Variants in GLIPR2 observed in about 807,000 individuals in gnomAD.
The protein encoded by GLIPR2 is Golgi-associated plant pathogenesis-related protein 1.
Under a neutral mutation model 20.4 loss-of-function variants are expected in GLIPR2, and 21 were observed. The ratio of observed to expected loss-of-function variants is 1.03; its 90% CI spans 0.73 to 1.48. The LOEUF (loss-of-function observed/expected upper bound fraction) is 1.48, where lower values mean the gene tolerates loss of function less well. Ranked by LOEUF, GLIPR2 falls within the 40% of genes most tolerant of loss-of-function variation. The pLI is 0.00. For missense variants in GLIPR2, 205 were observed against 200.1 expected, an observed-to-expected ratio of 1.02 and a Z score of -0.15; for synonymous variants, 91 against 80.5, an observed-to-expected ratio of 1.13 and a Z score of -0.70.
At chr9:36,161,812 T>C (rs1203395767) in intron 4 of GLIPR2, among the ~76,000 whole-genome samples, 1 of 152,186 alleles carries the variant, frequency 6.6e-6, no homozygotes, top group Non-Finnish European at 1.5e-5. Flanking sequence ...CACTGGGCTT[T>C]GTCGTGATCT....
In GLIPR2 at chr9:36,136,905, G is replaced by A. The variant is rs753384087; in HGVS notation, c.13+114G>A. The A allele has an allele frequency of 8.5e-7, 1 of 1,173,288 alleles. No individual in the cohort carries two copies. The highest frequency in any genetic ancestry group is 1.1e-6 in the Non-Finnish European group (1 of 934,812). The allele number at this position is 1,173,288 out of a possible 1,614,324, so 72.7% of individuals were successfully genotyped here. A position where few individuals can be genotyped will look rare whatever the true frequency, so the allele number is the denominator to read the frequency against. ...CCTGGGGAGTGCGGGAGCCCGGGGTGCGGGTGGAGGGCGCGCGGGCGGAGC... is the reference window on the plus strand; with the variant it reads ...CCTGGGGAGTGCGGGAGCCCGGGGTACGGGTGGAGGGCGCGCGGGCGGAGC... On this transcript the variant is annotated intron_variant, in intron 1 of 4. Coordinates refer to ENST00000377960, the MANE Select transcript of GLIPR2 (RefSeq NM_022343.4). The surrounding 1 kb of genome is among the most constrained non-coding windows in gnomAD (Gnocchi z 4.3).
intron 4 of GLIPR2, among the ~76,000 whole-genome samples, chr9:36,161,965 G>A (rs1826072200): frequency 6.6e-6 from 1 of 152,132 alleles, no homozygotes; most frequent in Non-Finnish European, 1.5e-5. Flanking sequence ...CAGGTGGATC[G>A]CCTGAGGTCA....
chr9:36,153,970 C>G (rs1281581409), intron 4 of GLIPR2, among the ~76,000 whole-genome samples: 2 of 151,392 alleles, frequency 1.3e-5, no homozygotes, highest in Non-Finnish European at 2.9e-5. Context: ...CCCAGCCCCA[C>G]CCAGGCCAGG....
In GLIPR2 at chr9:36,136,805, C is replaced by T. The variant is rs1824837429; in HGVS notation, c.13+14C>T. ...TGGGCAAGTCAGGTGAGCCCGCGGG[C>T]TCGCCCGCTGCGGAATGGTTCGGAA... is the stretch of plus-strand genomic sequence containing the variant. On this transcript the variant is annotated intron_variant, in intron 1 of 4. Coordinates refer to ENST00000377960, the MANE Select transcript of GLIPR2 (RefSeq NM_022343.4). This position sits in a 1 kb window ranked among gnomAD's most constrained non-coding sequence, Gnocchi z 4.3. 3 of 1,298,248 alleles carry T rather than the reference C, an allele frequency of 2.3e-6. No individual in the cohort carries two copies. The highest frequency in any genetic ancestry group is 3.1e-5 in the East Asian group (1 of 32,078). The allele number at this position is 1,298,248 out of a possible 1,614,324, so 80.4% of individuals were successfully genotyped here.
chr9:36,150,355 G>A lies in GLIPR2; in HGVS notation c.227-517G>A, dbSNP rs569157036. Among the ~76,000 whole-genome samples the A allele has an allele frequency of 2.3e-4, 35 of 152,322 alleles. 1 individual carries two copies. Among genetic ancestry groups the A allele is most frequent in the Non-Finnish European group, 4.0e-4 (27 of 68,030 alleles). On this transcript the variant is annotated intron_variant, in intron 3 of 4. Transcript: ENST00000377960. The stretch of plus-strand genomic sequence containing the variant: ...GAAACGCCTGCCCATATCAACACGT[G>A]TGGGGACAGTGGATGCCCCAGGTGA...
In GLIPR2 at chr9:36,150,945, G is replaced by A. The variant is rs759112042; in HGVS notation, c.300G>A (p.Gly100=). 13 of 1,612,292 alleles carry A rather than the reference G, an allele frequency of 8.1e-6. No homozygotes were observed. Among genetic ancestry groups the A allele is most frequent in the Middle Eastern group, 1.7e-4 (1 of 6,054 alleles). ...YNFQQPGFTS[G]TGHFTAMVWK... Reference sequence around the variant, plus strand: ...TCCAGCAGCCTGGCTTCACCTCGGGGACTGGTGAGTGGCAGGGTCTCACCA... The same window carrying A: ...TCCAGCAGCCTGGCTTCACCTCGGGAACTGGTGAGTGGCAGGGTCTCACCA... The change falls in exon 4 of 5, where the codon GGG becomes GGA. Residue 100 remains glycine (G), a synonymous_variant. Coordinates refer to ENST00000377960, the MANE Select transcript of GLIPR2 (RefSeq NM_022343.4).
In GLIPR2 at chr9:36,163,865, G is replaced by T. The variant is rs1826171954; in HGVS notation, c.*1343G>T. On this transcript the variant is annotated 3_prime_UTR_variant, in exon 5 of 5. Coordinates refer to ENST00000377960, the MANE Select transcript of GLIPR2 (RefSeq NM_022343.4). ...AAGCTATGCCTCTAATTTCACCAGG[G>T]ATATTGACTAAGAAGACAATAAAAT... is the stretch of plus-strand genomic sequence containing the variant. 6.6e-6 allele frequency: 1 copy of T among 152,660 alleles called. No homozygotes were observed. 9.5% of individuals were successfully genotyped at this position (152,660 alleles called of 1,614,324 possible).
At chr9:36,142,420 G>A (rs575094323) in intron 1 of GLIPR2, among the ~76,000 whole-genome samples, 438 of 152,174 alleles carry the variant, frequency 2.9e-3, no homozygotes, top group African/African-American at 9.6e-3. Context: ...TTCCTAATTC[G>A]AAAAGAAAAA....
At position 36,136,837 on chromosome 9, in the gene GLIPR2, G is replaced by A. The variant is rs1824840446; in HGVS notation, c.13+46G>A. 7.9e-7 allele frequency: 1 copy of A among 1,268,658 alleles called. No individual in the cohort carries two copies. The highest frequency in any genetic ancestry group is 2.7e-5 in the South Asian group (1 of 37,714). 78.6% of individuals were successfully genotyped at this position (1,268,658 alleles called of 1,614,324 possible). On this transcript the variant is annotated intron_variant, in intron 1 of 4. Transcript: ENST00000377960. This position sits in a 1 kb window ranked among gnomAD's most constrained non-coding sequence, Gnocchi z 4.3. Reference sequence around the variant, plus strand: ...GCTGCGGAATGGTTCGGAACCCCGCGCTCCCGGACCTCGCCGTCTCCCTCG... The same window carrying A: ...GCTGCGGAATGGTTCGGAACCCCGCACTCCCGGACCTCGCCGTCTCCCTCG...
intron 4 of GLIPR2, among the ~76,000 whole-genome samples, chr9:36,160,121 G>A (rs535592119): frequency 1.3e-5 from 2 of 152,132 alleles, no homozygotes; most frequent in South Asian, 2.1e-4. Context: ...TTGGGAAACC[G>A]AGGCAATTCT....
At chr9:36,151,087 G>A (rs1825564096) in intron 4 of GLIPR2, 138 bp downstream of exon 4, 1 of 671,804 alleles carries the variant, frequency 1.5e-6, no homozygotes, top group Non-Finnish European at 2.7e-6. Flanking sequence ...TCTCTGGCTT[G>A]ACCTTGACCA....
At chr9:36,144,831 CTG>C (rs1437552277) in intron 1 of GLIPR2, 1 of 152,312 alleles carries the variant, frequency 6.6e-6, no homozygotes, top group Non-Finnish European at 1.5e-5. Context: ...CCTTCTGGGT[CTG>C]TAGCTCCCGG....
At chr9:36,149,048 C>T (rs992675279) in intron 3 of GLIPR2, among the ~76,000 whole-genome samples, 2 of 152,110 alleles carry the variant, frequency 1.3e-5, no homozygotes, top group Admixed American at 1.3e-4. Context: ...ACTTTCTTAC[C>T]GTACTGGTGA....
rs1826110854 is a variant in GLIPR2, at chr9:36,162,722, AT to A, written c.*203del. On this transcript the variant is annotated 3_prime_UTR_variant, in exon 5 of 5. Transcript: ENST00000377960. The stretch of plus-strand genomic sequence containing the variant: ...TATTACAGGAGTGAGCAAAGGAAGC[AT>A]TTACCCCGATGGTTACCTAGACCAC... 1.6e-6 allele frequency: 1 copy of A among 614,380 alleles called. No homozygotes were observed. Among genetic ancestry groups the A allele is most frequent in the Non-Finnish European group, 2.9e-6 (1 of 350,766 alleles). The allele number at this position is 614,380 out of a possible 1,614,324, so 38.1% of individuals were successfully genotyped here.
At chr9:36,161,352 G>T (rs1731467143) in intron 4 of GLIPR2, among the ~76,000 whole-genome samples, 1 of 152,132 alleles carries the variant, frequency 6.6e-6, no homozygotes. Flanking sequence ...TGGGAGTGAG[G>T]TTTGGAAAGG....
intron 1 of GLIPR2, among the ~76,000 whole-genome samples, chr9:36,138,749 C>T (rs554478675): frequency 3.2e-4 from 49 of 151,992 alleles, no homozygotes; most frequent in Non-Finnish European, 5.9e-4. Flanking sequence ...CTATCTGGCT[C>T]GAGTAAGAGG....
chr9:36,151,055 C>A, intron 4 of GLIPR2, 106 bp downstream of exon 4: 1 of 751,810 alleles, frequency 1.3e-6, no homozygotes, highest in Non-Finnish European at 2.4e-6. Context: ...TCCTTTCCTT[C>A]CTGTTTAATC....
At chr9:36,142,650 G>A (rs1249569421) in intron 1 of GLIPR2, among the ~76,000 whole-genome samples, 1 of 152,090 alleles carries the variant, frequency 6.6e-6, no homozygotes, top group Non-Finnish European at 1.5e-5. Context: ...CCCCATCGTA[G>A]GGTGGCTGGG....
At position 36,162,567 on chromosome 9, in the gene GLIPR2, A is replaced by G. The variant is rs775692898; in HGVS notation, c.*45A>G. 5.2e-5 allele frequency: 83 copies of G among 1,595,906 alleles called. No homozygotes were observed. In the East Asian group the frequency reaches 1.3e-3, roughly 26 times the overall value. On this transcript the variant is annotated 3_prime_UTR_variant, in exon 5 of 5. Coordinates refer to ENST00000377960, the MANE Select transcript of GLIPR2 (RefSeq NM_022343.4). ...AGGTGGCAGACTTAAGAACGTGGAT[A>G]TGAAGTGCCTAGAACCACCACAACC...
Sources: allele counts gnomAD v4.1 joint callset (sites outside exome capture counted in the v4.1 genomes callset), GRCh38; gene constraint gnomAD v4.1.1; non-coding constraint Gnocchi (gnomAD v3.1); transcripts MANE v1.5; gene names NCBI Gene and HGNC (gene_info 2026-07-23, HGNC 2026-07-21).